CATSPERE: variants seen among roughly 807,000 people sequenced by gnomAD.
CATSPERE encodes catsper channel auxiliary subunit epsilon.
A neutral mutation model predicts 114.1 loss-of-function variants in CATSPERE; 93 were observed. That is an observed-to-expected ratio of 0.81 (90% CI 0.69 to 0.97). CATSPERE has a LOEUF of 0.97. Ranked by LOEUF, CATSPERE falls within the 50% of genes least tolerant of loss-of-function variation. CATSPERE has a pLI of 0.00. For synonymous variants in CATSPERE, 341 were observed against 384.1 expected (o/e 0.89, Z 1.31); for missense variants, 1,058 against 1,131.6 (o/e 0.93, Z 0.93).
At chr1:244,491,613 T>C (rs1672180011) in intron 6 of CATSPERE, among the ~76,000 whole-genome samples, 2 of 151,876 alleles carry the variant, frequency 1.3e-5, no homozygotes, top group East Asian at 3.9e-4. Context: ...CTGAGGGAAA[T>C]AGAGACACAA....
chr1:244,637,098 T>A (rs555379861), intron 21 of CATSPERE, among the ~76,000 whole-genome samples: 1 of 152,164 alleles, frequency 6.6e-6, no homozygotes, highest in Non-Finnish European at 1.5e-5. Context: ...CGAGTGGTGC[T>A]CTTTTCTTTC....
At chr1:244,515,088 T>A (rs920903727) in intron 7 of CATSPERE, among the ~76,000 whole-genome samples, 2 of 152,198 alleles carry the variant, frequency 1.3e-5, no homozygotes, top group African/African-American at 4.8e-5. Flanking sequence ...AAGAATAAAA[T>A]CTAACTTATT....
At chr1:244,539,493 G>A (rs1370556467) in intron 8 of CATSPERE, among the ~76,000 whole-genome samples, 8 of 114,650 alleles carry the variant, frequency 7.0e-5, no homozygotes, top group Non-Finnish European at 1.3e-4. Context: ...CTCATAAAGT[G>A]AGTTAGGGAG....
At chr1:244,528,801 A>G (rs1300916934) in intron 8 of CATSPERE, among the ~76,000 whole-genome samples, 19 of 150,570 alleles carry the variant, frequency 1.3e-4, no homozygotes, top group African/African-American at 4.7e-4. Context: ...ACACACACAC[A>G]CACACACACA....
chr1:244,621,214 T>TAGATATATCTATATAG lies in CATSPERE; in HGVS notation c.2648+3529_2648+3530insGATATATCTATATAGA, dbSNP rs56940000. 1.4e-3 allele frequency among the ~76,000 whole-genome samples: 29 copies of TAGATATATCTATATAG among 20,968 alleles called. 4 individuals are homozygous for TAGATATATCTATATAG. The highest frequency in any genetic ancestry group is 4.5e-3 in the African/African-American group (23 of 5,066). The allele number at this position is 20,968 out of a possible 152,430, so 13.8% of individuals were successfully genotyped here. A position where few individuals can be genotyped will look rare whatever the true frequency, so the allele number is the denominator to read the frequency against. ...ATATATTTATATAGATATATTTATA[T>TAGATATATCTATATAG]ATATATTTATATAAATATATTTATA... On this transcript the variant is annotated intron_variant, in intron 20 of 21. Transcript: ENST00000366534.
chr1:244,485,511 C>T (rs972350081), intron 5 of CATSPERE, among the ~76,000 whole-genome samples: 2 of 151,130 alleles, frequency 1.3e-5, no homozygotes, highest in African/African-American at 4.9e-5. Context: ...CTCCCTTATT[C>T]TTTTTTTTTC....
At chr1:244,595,951 T>A (rs570297267) in intron 17 of CATSPERE, among the ~76,000 whole-genome samples, 16 of 151,748 alleles carry the variant, frequency 1.1e-4, no homozygotes, top group Admixed American at 6.6e-4. Flanking sequence ...AAAAAAAAAA[T>A]TTGCTTTAGC....
intron 6 of CATSPERE, among the ~76,000 whole-genome samples, chr1:244,491,467 C>T (rs1388338413): frequency 1.3e-5 from 2 of 151,688 alleles, no homozygotes; most frequent in Non-Finnish European, 2.9e-5. Flanking sequence ...AAATTTATAG[C>T]ACTAAATGCC....
chr1:244,578,653 CTA>C (rs987137623), intron 11 of CATSPERE, among the ~76,000 whole-genome samples: 4 of 149,622 alleles, frequency 2.7e-5, no homozygotes, highest in African/African-American at 7.4e-5. Flanking sequence ...CAGTCTACAG[CTA>C]TATATATATA....
intron 10 of CATSPERE, among the ~76,000 whole-genome samples, chr1:244,567,182 C>T (rs1663706179): frequency 6.6e-6 from 1 of 152,224 alleles, no homozygotes; most frequent in Non-Finnish European, 1.5e-5. Context: ...CCCCCACTCT[C>T]TTCTGGCTTG....
intron 5 of CATSPERE, among the ~76,000 whole-genome samples, chr1:244,489,032 A>G (rs1671520169): frequency 6.6e-6 from 1 of 152,236 alleles, no homozygotes; most frequent in Admixed American, 6.5e-5. Flanking sequence ...TGACTTTTAG[A>G]GATGATAAAT....
rs191285457 is a variant in CATSPERE, at chr1:244,639,556, G to A, written c.2703-372G>A. On this transcript the variant is annotated intron_variant, in intron 21 of 21. Coordinates refer to ENST00000366534, the MANE Select transcript of CATSPERE (RefSeq NM_001130957.2). ...AATACAAAAATTAGCTGGGTGTGGTGGTGCCCTCCTGTAATCCCAGCTGCT... is the reference window on the plus strand; with the variant it reads ...AATACAAAAATTAGCTGGGTGTGGTAGTGCCCTCCTGTAATCCCAGCTGCT... Among the ~76,000 whole-genome samples the A allele has an allele frequency of 1.5e-3, 231 of 152,268 alleles. 1 individual carries two copies. The highest frequency in any genetic ancestry group is 5.2e-3 in the African/African-American group (218 of 41,552).
In CATSPERE at chr1:244,568,885, G is replaced by C. The variant is rs1220797812; in HGVS notation, c.1508-3445G>C. 6.6e-6 allele frequency among the ~76,000 whole-genome samples: 1 copy of C among 151,916 alleles called. No individual in the cohort carries two copies. Among genetic ancestry groups the C allele is most frequent in the African/African-American group, 2.4e-5 (1 of 41,368 alleles). On this transcript the variant is annotated intron_variant, in intron 10 of 21. Coordinates refer to ENST00000366534, the MANE Select transcript of CATSPERE (RefSeq NM_001130957.2). This position sits in a 1 kb window ranked among gnomAD's most constrained non-coding sequence, Gnocchi z 4.4. ...TCACTGGTGTTCCTGGCACCACTGGGGTATGAAAAAAAACAAAAACAAAAA... is the reference window on the plus strand; with the variant it reads ...TCACTGGTGTTCCTGGCACCACTGGCGTATGAAAAAAAACAAAAACAAAAA...
chr1:244,543,261 G>A (rs1659157017), intron 8 of CATSPERE, among the ~76,000 whole-genome samples: 1 of 152,044 alleles, frequency 6.6e-6, no homozygotes, highest in African/African-American at 2.4e-5. Context: ...GGATAAAGAA[G>A]ATGTGATATA....
rs138272146 is a variant in CATSPERE at position 244,482,300 on chromosome 1, T to C, written c.326+2516T>C. The stretch of plus-strand genomic sequence containing the variant: ...TGGGAAACATAGCAAGACTTGTCTC[T>C]ACAAAAAATATAAAAAATTTGCCAG... On this transcript the variant is annotated intron_variant, in intron 5 of 21. Coordinates refer to ENST00000366534, the MANE Select transcript of CATSPERE (RefSeq NM_001130957.2). Among the ~76,000 whole-genome samples, 1,303 of 152,084 alleles carry C rather than the reference T, an allele frequency of 8.6e-3. 5 individuals are homozygous for C. Among genetic ancestry groups the C allele is most frequent in the Non-Finnish European group, 0.015 (988 of 67,966 alleles).
chr1:244,519,422 T>C (rs1677161638), intron 8 of CATSPERE, among the ~76,000 whole-genome samples: 1 of 152,200 alleles, frequency 6.6e-6, no homozygotes, highest in Admixed American at 6.5e-5. Context: ...ATAATGTTCA[T>C]TATAACATTG....
intron 10 of CATSPERE, among the ~76,000 whole-genome samples, chr1:244,563,017 G>A (rs534917746): frequency 1.3e-5 from 2 of 152,290 alleles, no homozygotes; most frequent in African/African-American, 4.8e-5. Context: ...AGTTTGCTGA[G>A]AATGATGGTT....
intron 18 of CATSPERE, among the ~76,000 whole-genome samples, chr1:244,609,498 A>C (rs895431343): frequency 6.6e-6 from 1 of 151,888 alleles, no homozygotes; most frequent in African/African-American, 2.4e-5. Context: ...TTACAGGTGC[A>C]CGCCACCACA....
At position 244,607,508 on chromosome 1, in the gene CATSPERE, AC is replaced by A. The variant is rs1405978803; in HGVS notation, c.2403+1715del. Reference sequence around the variant, plus strand: ...CTGGGAAAGTTTCTAAACAGGGACTACGTTTCCCAGATGCATTTGCATCTAG... The same window carrying A: ...CTGGGAAAGTTTCTAAACAGGGACTAGTTTCCCAGATGCATTTGCATCTAG... On this transcript the variant is annotated intron_variant, in intron 18 of 21. Transcript: ENST00000366534. The surrounding 1 kb of genome is among the most constrained non-coding windows in gnomAD (Gnocchi z 4.4). Among the ~76,000 whole-genome samples the A allele has an allele frequency of 1.3e-5, 2 of 152,216 alleles. No individual in the cohort carries two copies. The highest frequency in any genetic ancestry group is 2.9e-5 in the Non-Finnish European group (2 of 68,022).
Sources: allele counts gnomAD v4.1 joint callset (sites outside exome capture counted in the v4.1 genomes callset), GRCh38; gene constraint gnomAD v4.1.1; non-coding constraint Gnocchi (gnomAD v3.1); transcripts MANE v1.5; gene names NCBI Gene and HGNC (gene_info 2026-07-23, HGNC 2026-07-21).